UBE2K: variants seen among roughly 807,000 people sequenced by gnomAD.
UBE2K encodes the protein ubiquitin conjugating enzyme E2 K, also known as ubiquitin-conjugating enzyme E2 K.
UBE2K carries 6 observed loss-of-function variants against 30.0 expected under a neutral mutation model. The observed-to-expected ratio is 0.20, with a 90% CI of 0.11 to 0.39. The LOEUF (loss-of-function observed/expected upper bound fraction) is 0.39, where lower values mean the gene tolerates loss of function less well. UBE2K is among the 10% of genes least tolerant of loss of function. The pLI, the probability that UBE2K is intolerant of heterozygous loss-of-function variation, is 1.00. For missense variants in UBE2K, 61 were observed against 241.6 expected, an observed-to-expected ratio of 0.25 and a Z score of 4.96; for synonymous variants, 86 against 83.7, an observed-to-expected ratio of 1.03 and a Z score of -0.15.
chr4:39,773,310 T>C (rs1411757838), intron 4 of UBE2K, among the ~76,000 whole-genome samples: 2 of 150,636 alleles, frequency 1.3e-5, no homozygotes, highest in East Asian at 2.0e-4. Context: ...CTACTAAAAC[T>C]ACAAAAAATT....
In UBE2K at chr4:39,778,356, A is replaced by G. The variant is rs1434294172; in HGVS notation, c.529-4A>G. On this transcript the variant is annotated splice_polypyrimidine_tract_variant and splice_region_variant and intron_variant, in intron 6 of 6. Transcript: ENST00000261427. ...AATTTCCTGTCCCCTTTTCTTCTCT[A>G]CAGAATGCAGTAATAGTGGCCTTGT... 2.5e-6 allele frequency: 4 copies of G among 1,602,068 alleles called. No individual in the cohort carries two copies. The highest frequency in any genetic ancestry group is 3.4e-6 in the Non-Finnish European group (4 of 1,170,758).
chr4:39,718,944 G>T (rs1222514203), intron 1 of UBE2K, among the ~76,000 whole-genome samples: 1 of 152,246 alleles, frequency 6.6e-6, no homozygotes, highest in Non-Finnish European at 1.5e-5. Context: ...CCAGGAAGGG[G>T]CTCCCACAGT....
At chr4:39,708,975 A>T (rs1433793423) in intron 1 of UBE2K, among the ~76,000 whole-genome samples, 2 of 150,098 alleles carry the variant, frequency 1.3e-5, no homozygotes, top group African/African-American at 4.9e-5. Flanking sequence ...AAGGAGGTAG[A>T]GATTTTTTAA....
At chr4:39,718,069 C>T (rs529780801) in intron 1 of UBE2K, among the ~76,000 whole-genome samples, 209 of 152,194 alleles carry the variant, frequency 1.4e-3, no homozygotes, top group African/African-American at 4.9e-3. Context: ...GAAGGGGACC[C>T]GAGTGGGTTG....
chr4:39,702,919 T>C (rs1288864364), intron 1 of UBE2K, among the ~76,000 whole-genome samples: 1 of 152,102 alleles, frequency 6.6e-6, no homozygotes. Context: ...CCCCAGCGCA[T>C]GTCCCCACTA....
chr4:39,765,281 T>C (rs1199566486), intron 4 of UBE2K, among the ~76,000 whole-genome samples: 1 of 152,068 alleles, frequency 6.6e-6, no homozygotes. Context: ...CCCAGCACTT[T>C]GGGAGGCCAA....
At chr4:39,754,943 A>G (rs549039097) in intron 3 of UBE2K, among the ~76,000 whole-genome samples, 5 of 152,126 alleles carry the variant, frequency 3.3e-5, no homozygotes, top group African/African-American at 1.2e-4. Context: ...GAGCTGATGA[A>G]CTCTTTAATT....
rs879776892 is a variant in UBE2K, at chr4:39,714,546, A to ATTTTTT, written c.63+16157_63+16158insTTTTTT. 5.9e-4 allele frequency: 15 copies of ATTTTTT among 25,280 alleles called. 1 individual carries two copies. The highest frequency in any genetic ancestry group is 2.6e-3 in the African/African-American group (13 of 4,928). The allele number at this position is 25,280 out of a possible 1,614,324, so 1.6% of individuals were successfully genotyped here. ...TATATATATATATATATATATATAT[A>ATTTTTT]TATATTTTTTTTTTTTTTTAAGACT... is the stretch of plus-strand genomic sequence containing the variant. On this transcript the variant is annotated intron_variant, in intron 1 of 6. Coordinates refer to ENST00000261427, the MANE Select transcript of UBE2K (RefSeq NM_005339.5).
chr4:39,743,070 C>T (rs1401793470), intron 2 of UBE2K, among the ~76,000 whole-genome samples: 2 of 151,252 alleles, frequency 1.3e-5, no homozygotes, highest in Non-Finnish European at 2.9e-5. Flanking sequence ...GAGAAGGATT[C>T]GAAACAAAAA....
At chr4:39,733,414 C>T (rs1720188181) in intron 1 of UBE2K, among the ~76,000 whole-genome samples, 1 of 148,554 alleles carries the variant, frequency 6.7e-6, no homozygotes, top group Admixed American at 6.9e-5. Context: ...CTCACTGCAA[C>T]CTCCACCTCC....
At chr4:39,756,941 C>G (rs897940768) in intron 4 of UBE2K, among the ~76,000 whole-genome samples, 1 of 148,494 alleles carries the variant, frequency 6.7e-6, no homozygotes, top group African/African-American at 2.5e-5. Flanking sequence ...GCTGCCTAAT[C>G]TTCTAAAGAT....
At chr4:39,725,016 T>C (rs899003562) in intron 1 of UBE2K, among the ~76,000 whole-genome samples, 1 of 152,194 alleles carries the variant, frequency 6.6e-6, no homozygotes, top group Non-Finnish European at 1.5e-5. Context: ...TATATTTTTC[T>C]TTTTTAGTTT....
chr4:39,772,794 T>A (rs1712989016), intron 4 of UBE2K, among the ~76,000 whole-genome samples: 1 of 151,764 alleles, frequency 6.6e-6, no homozygotes, highest in Admixed American at 6.6e-5. Flanking sequence ...CTCAAGCGAT[T>A]CTCCTTCCTC....
intron 1 of UBE2K, among the ~76,000 whole-genome samples, chr4:39,724,697 G>T (rs1438205960): frequency 6.6e-6 from 1 of 151,586 alleles, no homozygotes; most frequent in Non-Finnish European, 1.5e-5. Context: ...TTTAGCCCCG[G>T]AGGCAAAAGT....
intron 1 of UBE2K, among the ~76,000 whole-genome samples, chr4:39,734,816 AAAT>A (rs1720271588): frequency 6.6e-6 from 1 of 152,180 alleles, no homozygotes; most frequent in Non-Finnish European, 1.5e-5. Context: ...TGTCTTAAAC[AAAT>A]AATAATAATT....
chr4:39,711,672 T>C (rs1227522206), intron 1 of UBE2K, among the ~76,000 whole-genome samples: 3 of 151,954 alleles, frequency 2.0e-5, no homozygotes, highest in Non-Finnish European at 4.4e-5. Context: ...GACCTGAGCG[T>C]ATTTTCAGCT....
At chr4:39,704,061 A>G (rs1366931009) in intron 1 of UBE2K, among the ~76,000 whole-genome samples, 1 of 151,908 alleles carries the variant, frequency 6.6e-6, no homozygotes, top group Non-Finnish European at 1.5e-5. Flanking sequence ...AAAATTTTCT[A>G]CCAAAAATGA....
intron 3 of UBE2K, among the ~76,000 whole-genome samples, chr4:39,749,128 C>T (rs1721127192): frequency 6.6e-6 from 1 of 152,162 alleles, no homozygotes; most frequent in Non-Finnish European, 1.5e-5. Flanking sequence ...GAAAAATTCA[C>T]ATTTGTCTTA....
intron 4 of UBE2K, chr4:39,769,936 CCT>C (rs1712654453): frequency 1.0e-5 from 6 of 602,904 alleles, no homozygotes; most frequent in Non-Finnish European, 1.4e-5. Flanking sequence ...AATCATCTTC[CCT>C]CTCTCAGGAT....
Sources: gnomAD v4.1 joint callset for allele counts (sites outside exome capture counted in the v4.1 genomes callset) on GRCh38, gnomAD v4.1.1 for gene constraint, MANE v1.5 for transcripts, NCBI Gene and HGNC (gene_info 2026-07-23, HGNC 2026-07-21) for gene names.